Variants in KIAA1549L observed in about 807,000 individuals in gnomAD.
KIAA1549L encodes KIAA1549 like, also known as UPF0606 protein KIAA1549L.
A neutral mutation model predicts 160.7 loss-of-function variants in KIAA1549L; 88 were observed. That is an observed-to-expected ratio of 0.55 (90% CI 0.46 to 0.65). The LOEUF (loss-of-function observed/expected upper bound fraction) is 0.65, where lower values mean the gene tolerates loss of function less well. KIAA1549L is among the 30% of genes least tolerant of loss of function. The pLI, the probability that KIAA1549L is intolerant of heterozygous loss-of-function variation, is 0.00. For synonymous variants in KIAA1549L, 950 were observed against 976.7 expected (o/e 0.97, Z 0.51); for missense variants, 2,258 against 2,437.5 (o/e 0.93, Z 1.55).
chr11:33,544,087 C>T lies in KIAA1549L; in HGVS notation c.2524C>T (p.His842Tyr), dbSNP rs745657227. The change falls in exon 2 of 21, where the codon CAT becomes TAT. Residue 842 changes from histidine (H) to tyrosine (Y), a missense_variant. Transcript: ENST00000658780. The part of the protein sequence containing the change: ...PQLQLPNQPA[H>Y]PLLLTSPGPT... Reference sequence around the variant, plus strand: ...GCTACAGTTGCCCAACCAGCCAGCACATCCTCTTTTGCTAACCTCACCAGG... The same window carrying T: ...GCTACAGTTGCCCAACCAGCCAGCATATCCTCTTTTGCTAACCTCACCAGG... The T allele has an allele frequency of 3.1e-6, 5 of 1,613,920 alleles. No homozygotes were observed. Among genetic ancestry groups the T allele is most frequent in the Non-Finnish European group, 4.2e-6 (5 of 1,179,908 alleles).
chr11:33,445,347 G>A (rs767695585), intron 1 of KIAA1549L, among the ~76,000 whole-genome samples: 2 of 152,216 alleles, frequency 1.3e-5, no homozygotes, highest in Non-Finnish European at 1.5e-5. Flanking sequence ...ATTTCACAGT[G>A]CCTTTCAAGA....
At chr11:33,427,701 T>C (rs1437665823) in intron 1 of KIAA1549L, among the ~76,000 whole-genome samples, 3 of 152,212 alleles carry the variant, frequency 2.0e-5, no homozygotes, top group African/African-American at 7.2e-5. Context: ...TTTATAATGT[T>C]ATGCAGCCAC....
chr11:33,405,569 C>T (rs996703841), intron 1 of KIAA1549L, among the ~76,000 whole-genome samples: 2 of 146,422 alleles, frequency 1.4e-5, no homozygotes, highest in African/African-American at 2.5e-5. Flanking sequence ...GCTGTCTGGG[C>T]GCAGTGGCTA....
chr11:33,576,441 G>T (rs1855450061), intron 10 of KIAA1549L, among the ~76,000 whole-genome samples: 1 of 152,114 alleles, frequency 6.6e-6, no homozygotes, highest in South Asian at 2.1e-4. Flanking sequence ...TTCCCTCCCT[G>T]TGGGCTCCGT....
chr11:33,494,820 C>T (rs1000213668), intron 1 of KIAA1549L, among the ~76,000 whole-genome samples: 3 of 152,192 alleles, frequency 2.0e-5, no homozygotes, highest in Non-Finnish European at 2.9e-5. Flanking sequence ...AGAGGTGTCT[C>T]ATACAGCTTT....
At chr11:33,624,746 T>A (rs914071755) in intron 16 of KIAA1549L, among the ~76,000 whole-genome samples, 87 of 150,488 alleles carry the variant, frequency 5.8e-4, no homozygotes, top group African/African-American at 2.1e-3. Context: ...TTTTTTTTTT[T>A]AATTTTTGCT....
In KIAA1549L at chr11:33,543,610, A is replaced by G; in HGVS notation, c.2047A>G (p.Thr683Ala). The G allele has an allele frequency of 6.2e-7, 1 of 1,613,946 alleles. No homozygotes were observed. The highest frequency in any genetic ancestry group is 8.5e-7 in the Non-Finnish European group (1 of 1,179,830). The change falls in exon 2 of 21, where the codon ACA becomes GCA. Residue 683 changes from threonine (T) to alanine (A), a missense_variant. Thr to Ala is a moderately conservative substitution (Grantham distance 58, BLOSUM62 0). Transcript: ENST00000658780. ...PSSMDVYDSL[T>A]IGDMKKPATT... ...CTCCATGGATGTATATGATTCCTTAACAATAGGAGACATGAAAAAGCCAGC... is the reference window on the plus strand; with the variant it reads ...CTCCATGGATGTATATGATTCCTTAGCAATAGGAGACATGAAAAAGCCAGC...
At chr11:33,666,745 A>G (rs866569533) in intron 20 of KIAA1549L, among the ~76,000 whole-genome samples, 1 of 152,324 alleles carries the variant, frequency 6.6e-6, no homozygotes, top group Non-Finnish European at 1.5e-5. Context: ...AACTAAAATC[A>G]TATCCCAGAT....
chr11:33,532,672 A>G (rs1025126943), intron 1 of KIAA1549L, among the ~76,000 whole-genome samples: 1 of 152,190 alleles, frequency 6.6e-6, no homozygotes, highest in African/African-American at 2.4e-5. Flanking sequence ...CTGACATACA[A>G]GGGAGAGGAG....
Position 33,672,969 on chromosome 11 carries a change from A to AACTT in KIAA1549L, c.*4818_*4821dup, listed in dbSNP as rs955538184. The AACTT allele has an allele frequency of 7.8e-5, 12 of 153,508 alleles. No individual in the cohort carries two copies. Among genetic ancestry groups the AACTT allele is most frequent in the African/African-American group, 2.2e-4 (9 of 41,468 alleles). The allele number at this position is 153,508 out of a possible 1,614,324, so 9.5% of individuals were successfully genotyped here. ...TTGAAACAAAATTGGTTTCAAGTGA[A>AACTT]ACTTACATTATTTTTTGGCTGTGAC... On this transcript the variant is annotated 3_prime_UTR_variant, in exon 21 of 21. Transcript: ENST00000658780.
rs759371096 is a variant in KIAA1549L, at chr11:33,551,135, G to C, written c.3597G>C (p.Leu1199=). 2.5e-6 allele frequency: 4 copies of C among 1,613,934 alleles called. No individual in the cohort carries two copies. In the Admixed American group the frequency reaches 6.7e-5, roughly 27 times the overall value. Residue 1199 remains leucine, a synonymous_variant, in exon 5 of 21, where the codon CTG becomes CTC. Transcript: ENST00000658780. ...TGCCTGCTGTGGTGATCGAAATGCT[G>C]GGTGTGTATGGAGTCAGCAACGTCA... ...VYLPAVVIEM[L]GVYGVSNVTA...
intron 11 of KIAA1549L, among the ~76,000 whole-genome samples, chr11:33,587,844 T>C (rs1486749488): frequency 2.0e-5 from 3 of 152,178 alleles, no homozygotes; most frequent in African/African-American, 7.2e-5. Flanking sequence ...TAGCTGCTGT[T>C]GGAGCCTCCC....
intron 6 of KIAA1549L, among the ~76,000 whole-genome samples, chr11:33,553,197 C>T (rs1441994238): frequency 1.3e-5 from 2 of 152,036 alleles, no homozygotes; most frequent in Non-Finnish European, 2.9e-5. Flanking sequence ...ATGGAGTCTC[C>T]ATATATTGCC....
chr11:33,608,787 TG>T lies in KIAA1549L; in HGVS notation c.5062-960del, dbSNP rs544661701. Among the ~76,000 whole-genome samples, 646 of 152,368 alleles carry T rather than the reference TG, an allele frequency of 4.2e-3. 7 individuals are homozygous for T. Among genetic ancestry groups the T allele is most frequent in the African/African-American group, 0.014 (596 of 41,588 alleles). The stretch of plus-strand genomic sequence containing the variant: ...TAAAGGAATGGACCTTGCTGGCATT[TG>T]GATTGGAAGAGAGCCCTGAACTGTT... On this transcript the variant is annotated intron_variant, in intron 14 of 20. Transcript: ENST00000658780.
chr11:33,377,964 C>G (rs1849990447), intron 1 of KIAA1549L, among the ~76,000 whole-genome samples: 3 of 152,190 alleles, frequency 2.0e-5, no homozygotes, highest in Admixed American at 2.0e-4. Context: ...TTGCGAGTTA[C>G]TGTCAGATAA....
At chr11:33,631,895 A>G (rs139549934) in intron 16 of KIAA1549L, among the ~76,000 whole-genome samples, 3,171 of 152,260 alleles carry the variant, frequency 0.021, 125 homozygotes, top group African/African-American at 0.07. Flanking sequence ...CGGTGTCTCT[A>G]TTTGTTGGGC....
At chr11:33,449,719 C>T (rs774091543) in intron 1 of KIAA1549L, among the ~76,000 whole-genome samples, 5 of 152,178 alleles carry the variant, frequency 3.3e-5, no homozygotes, top group Non-Finnish European at 7.3e-5. Flanking sequence ...AAAGCAGACA[C>T]ATCAGATGCT....
At chr11:33,648,008 A>C (rs1851774057) in intron 17 of KIAA1549L, among the ~76,000 whole-genome samples, 1 of 149,602 alleles carries the variant, frequency 6.7e-6, no homozygotes, top group Admixed American at 6.7e-5. Flanking sequence ...TTCTTTTCTG[A>C]GACTGAGTCT....
At chr11:33,557,918 G>A (rs112043446) in intron 6 of KIAA1549L, among the ~76,000 whole-genome samples, 26 of 152,020 alleles carry the variant, frequency 1.7e-4, no homozygotes, top group Admixed American at 9.2e-4. Flanking sequence ...GAGAAAAGGC[G>A]GGGGAGAGAG....
Sources: allele counts gnomAD v4.1 joint callset (sites outside exome capture counted in the v4.1 genomes callset), GRCh38; gene constraint gnomAD v4.1.1; transcripts MANE v1.5; gene names NCBI Gene and HGNC (gene_info 2026-07-23, HGNC 2026-07-21).